The following ZNF433 variants were observed in gnomAD, a reference collection of about 807,000 sequenced individuals.
ZNF433 encodes zinc finger protein 433.
ZNF433 carries 12 observed loss-of-function variants against 10.6 expected under a neutral mutation model. That is an observed-to-expected ratio of 1.13 (90% confidence interval 0.72 to 1.83). ZNF433 has a LOEUF of 1.83. ZNF433 is among the 40% of genes most tolerant of loss of function. The pLI is 0.00. For missense variants in ZNF433, 737 were observed against 798.0 expected (o/e 0.92, Z 0.92); for synonymous variants, 272 against 271.3 (o/e 1.00, Z -0.02).
intron 2 of ZNF433, 58 bp downstream of exon 2, chr19:12,018,108 G>GAAAA: frequency 4.8e-6 from 6 of 1,246,894 alleles, no homozygotes; most frequent in South Asian, 3.4e-5. Flanking sequence ...CTTGTTCTCA[G>GAAAA]AAAAAAAAAA....
At chr19:12,035,077 A>C (rs1975217591) in intron 1 of ZNF433, among the ~76,000 whole-genome samples, 1 of 152,188 alleles carries the variant, frequency 6.6e-6, no homozygotes, top group Admixed American at 6.5e-5. Flanking sequence ...AAGGAACTCT[A>C]ATTATTAATA....
chr19:12,032,041 C>T lies in ZNF433; in HGVS notation c.3+3496G>A, dbSNP rs1343381837. ...GCAACCTCTGCCTCCCAGGTTCAACCAGTTCTCCTGCCTCAGCCTCCCGAG... is the reference window on the plus strand; with the variant it reads ...GCAACCTCTGCCTCCCAGGTTCAACTAGTTCTCCTGCCTCAGCCTCCCGAG... On this transcript the variant is annotated intron_variant, in intron 1 of 3. Transcript: ENST00000550507. Among the ~76,000 whole-genome samples the T allele has an allele frequency of 2.0e-5, 3 of 151,290 alleles. No individual in the cohort carries two copies. In the East Asian group the frequency reaches 5.8e-4, roughly 29 times the overall value.
rs779908822 is a variant in ZNF433, at chr19:12,014,875, A to G, written c.1983T>C (p.His661=). The change falls in exon 4 of 4, where the codon CAT becomes CAC. Residue 661 remains histidine, a synonymous_variant. Coordinates refer to ENST00000550507, the MANE Select transcript of ZNF433 (RefSeq NM_001308348.2). The part of the protein sequence containing the change: ...VFRCSSQLQV[H]GRAHCIDTP ...GGGTGTCTATGCAGTGAGCCCTTCC[A>G]TGCACTTGAAGTTGTGAAGAACATC... 9.4e-6 allele frequency: 15 copies of G among 1,603,282 alleles called. No homozygotes were observed. The highest frequency in any genetic ancestry group is 8.5e-5 in the Admixed American group (5 of 58,886).
Position 12,016,419 on chromosome 19 carries a change from G to GT in ZNF433, c.438dup (p.Pro147ThrfsTer12), listed in dbSNP as rs771029161. ...TGAACAGAGGAGAGACAGTTGAAAG[G>GT]TTTTTTACAGTATTTACATTTATAT... is the stretch of plus-strand genomic sequence containing the variant. On this transcript the variant is annotated frameshift_variant, in exon 4 of 4. Coordinates refer to ENST00000550507, the MANE Select transcript of ZNF433 (RefSeq NM_001308348.2). LOFTEE classifies it low-confidence loss of function (END_TRUNC). 13 of 1,613,970 alleles carry GT rather than the reference G, an allele frequency of 8.1e-6. No individual in the cohort carries two copies. Among genetic ancestry groups the GT allele is most frequent in the South Asian group, 1.1e-5 (1 of 91,076 alleles).
intron 1 of ZNF433, among the ~76,000 whole-genome samples, chr19:12,029,154 T>A (rs369548123): frequency 5.3e-5 from 8 of 152,270 alleles, no homozygotes; most frequent in African/African-American, 1.9e-4. Flanking sequence ...ATGAAATGCA[T>A]AGGCAGGTTT....
At chr19:12,021,901 C>G (rs758566727) in intron 1 of ZNF433, 1 of 453,660 alleles carries the variant, frequency 2.2e-6, no homozygotes, top group African/African-American at 2.0e-5. Context: ...TGCACTATTT[C>G]CCAGACAGGG....
chr19:12,022,752 GGTTT>G (rs1222869324), intron 1 of ZNF433, among the ~76,000 whole-genome samples: 13 of 152,322 alleles, frequency 8.5e-5, no homozygotes, highest in Admixed American at 8.5e-4. Flanking sequence ...TGACAGAGCA[GGTTT>G]GTTTGCCAGC....
In ZNF433 at chr19:12,016,058, T is replaced by TGAAGGCACGTG; in HGVS notation, c.799_800insCACGTGCCTTC (p.His267ProfsTer405). On this transcript the variant is annotated frameshift_variant, in exon 4 of 4. Coordinates refer to ENST00000550507, the MANE Select transcript of ZNF433 (RefSeq NM_001308348.2). LOFTEE classifies it low-confidence loss of function (END_TRUNC). Reference sequence around the variant, plus strand: ...CCCAGTGTGAGTTCTTTTATGAGCATGAAGGCATGTGGAACTATGGAATGC... The same window carrying TGAAGGCACGTG: ...CCCAGTGTGAGTTCTTTTATGAGCATGAAGGCACGTGGAAGGCATGTGGAACTATGGAATGC... The TGAAGGCACGTG allele has an allele frequency of 6.2e-7, 1 of 1,614,066 alleles. No individual in the cohort carries two copies. The highest frequency in any genetic ancestry group is 8.5e-7 in the Non-Finnish European group (1 of 1,180,000).
At chr19:12,027,597 C>T (rs1340180927) in intron 1 of ZNF433, among the ~76,000 whole-genome samples, 1 of 152,230 alleles carries the variant, frequency 6.6e-6, no homozygotes, top group Non-Finnish European at 1.5e-5. Flanking sequence ...CCCTTTGTTT[C>T]ACATAAGGAA....
At position 12,015,730 on chromosome 19, in the gene ZNF433, A is replaced by C; in HGVS notation, c.1128T>G (p.Ser376Arg). 6.2e-7 allele frequency: 1 copy of C among 1,613,532 alleles called. No individual in the cohort carries two copies. The highest frequency in any genetic ancestry group is 8.5e-7 in the Non-Finnish European group (1 of 1,179,902). The part of the protein sequence containing the change: ...KICGKAFYSP[S>R]SLQTHEKTHT... ...GAGTTTTTTCATGTGTTTGAAGTGA[A>C]CTGGGAGAATAAAAGGCTTTCCCAC... Residue 376 changes from serine to arginine, a missense_variant, in exon 4 of 4, where the codon AGT (serine) becomes AGG (arginine). By Grantham distance (110) the Ser-to-Arg change is moderately radical. Transcript: ENST00000550507.
chr19:12,030,081 CAAAAAAA>C (rs74180055), intron 1 of ZNF433: 91 of 204,964 alleles, frequency 4.4e-4, no homozygotes, highest in African/African-American at 2.9e-3. Context: ...GACTCCATCT[CAAAAAAA>C]AAAAAAAAAA....
chr19:12,035,649 C>A lies in ZNF433; in HGVS notation c.-110G>T. The A allele has an allele frequency of 6.9e-7, 1 of 1,445,506 alleles. No homozygotes were observed. Among genetic ancestry groups the A allele is most frequent in the South Asian group, 1.3e-5 (1 of 79,170 alleles). 89.5% of individuals were successfully genotyped at this position (1,445,506 alleles called of 1,614,324 possible). On this transcript the variant is annotated 5_prime_UTR_variant, in exon 1 of 4. It adds an upstream start codon to the 5' untranslated region. Coordinates refer to ENST00000550507, the MANE Select transcript of ZNF433 (RefSeq NM_001308348.2). Reference sequence around the variant, plus strand: ...CGGAGGGGAAAGCCAGGCTCCCAACCTCAGCTCGCCGCCTGGAGCCGGGAA... The same window carrying A: ...CGGAGGGGAAAGCCAGGCTCCCAACATCAGCTCGCCGCCTGGAGCCGGGAA...
intron 1 of ZNF433, among the ~76,000 whole-genome samples, chr19:12,027,705 A>G (rs1033560176): frequency 2.0e-5 from 3 of 152,230 alleles, no homozygotes; most frequent in Non-Finnish European, 4.4e-5. Flanking sequence ...TCAGCTCTGA[A>G]GGCCGTCAGC....
intron 1 of ZNF433, among the ~76,000 whole-genome samples, chr19:12,033,147 G>A (rs1445792022): frequency 6.6e-6 from 1 of 151,734 alleles, no homozygotes; most frequent in African/African-American, 2.4e-5. Flanking sequence ...AGGCTGGAGT[G>A]CAGTGGTGCG....
At chr19:12,029,897 T>C (rs902954426) in intron 1 of ZNF433, among the ~76,000 whole-genome samples, 3 of 151,690 alleles carry the variant, frequency 2.0e-5, no homozygotes, top group African/African-American at 7.3e-5. Flanking sequence ...CTGGCCAAGA[T>C]GGTGAAACCC....
At chr19:12,028,392 A>C (rs1974840008) in intron 1 of ZNF433, among the ~76,000 whole-genome samples, 1 of 152,260 alleles carries the variant, frequency 6.6e-6, no homozygotes, top group African/African-American at 2.4e-5. Flanking sequence ...GCATAAAAAA[A>C]TGTAAAAATA....
At chr19:12,028,903 T>G in intron 1 of ZNF433, among the ~76,000 whole-genome samples, 1 of 152,102 alleles carries the variant, frequency 6.6e-6, no homozygotes, top group Non-Finnish European at 1.5e-5. Flanking sequence ...GTTGTCCAGG[T>G]TGGTCTCAAA....
chr19:12,017,574 G>A (rs1018827599), intron 3 of ZNF433, among the ~76,000 whole-genome samples: 2 of 149,626 alleles, frequency 1.3e-5, no homozygotes. Context: ...TTGTTTTTTG[G>A]GTCAGGGTCT....
chr19:12,026,409 C>T (rs547184238), intron 1 of ZNF433: 9 of 292,992 alleles, frequency 3.1e-5, no homozygotes, highest in Admixed American at 1.5e-4. Context: ...CTGAGAAAAG[C>T]GGGACAACCA....
Sources: gnomAD v4.1 joint callset for allele counts (sites outside exome capture counted in the v4.1 genomes callset) on GRCh38, gnomAD v4.1.1 for gene constraint, MANE v1.5 for transcripts, NCBI Gene and HGNC (gene_info 2026-07-23, HGNC 2026-07-21) for gene names.